The following CLSTN2 variants were observed in gnomAD, a reference collection of about 807,000 sequenced individuals.
CLSTN2 encodes the protein calsyntenin 2.
Under a neutral mutation model 101.2 loss-of-function variants are expected in CLSTN2, and 48 were observed. The observed-to-expected ratio is 0.47, with a 90% CI of 0.38 to 0.60. The LOEUF is 0.60. CLSTN2 is among the 20% of genes least tolerant of loss of function. The probability of loss-of-function intolerance (pLI) is 0.00; values close to 1 mark genes in which losing one functional copy is unlikely to be tolerated. For missense variants in CLSTN2, 1,160 were observed against 1,238.2 expected (o/e 0.94, Z 0.95); for synonymous variants, 481 against 463.6 (o/e 1.04, Z -0.48).
At position 140,573,427 on chromosome 3, in the gene CLSTN2, ATCTG is replaced by A. The variant is rs745909148; in HGVS notation, c.*7179_*7182del. 9.9e-5 allele frequency: 15 copies of A among 152,178 alleles called. No homozygotes were observed. The highest frequency in any genetic ancestry group is 2.1e-4 in the Non-Finnish European group (14 of 68,026). 9.4% of individuals were successfully genotyped at this position (152,178 alleles called of 1,614,324 possible). A position where few individuals can be genotyped will look rare whatever the true frequency, so the allele number is the denominator to read the frequency against. On this transcript the variant is annotated 3_prime_UTR_variant, in exon 17 of 17. Transcript: ENST00000458420. ...ACCTACAGCCTCATTTACAATTAGA[ATCTG>A]TCTGGGCCTTCTGATTTCTAAAGTC... is the stretch of plus-strand genomic sequence containing the variant.
chr3:140,281,279 A>G (rs1293107099), intron 2 of CLSTN2, among the ~76,000 whole-genome samples: 3 of 152,210 alleles, frequency 2.0e-5, no homozygotes, highest in Non-Finnish European at 4.4e-5. Context: ...AGTGTCTAAG[A>G]TGTGGTAGGT....
chr3:139,935,291 G>A lies in CLSTN2; in HGVS notation c.-84G>A. 2 of 699,050 alleles carry A rather than the reference G, an allele frequency of 2.9e-6. No individual in the cohort carries two copies. Among genetic ancestry groups the A allele is most frequent in the South Asian group, 7.4e-5 (1 of 13,586 alleles). 43.3% of individuals were successfully genotyped at this position (699,050 alleles called of 1,614,324 possible). ...CGCACCCATCGGGCACGGCGAGGCG[G>A]CCCACGGTGCGGCAGGCACCGGGAG... On this transcript the variant is annotated 5_prime_UTR_variant, in exon 1 of 17. Transcript: ENST00000458420. This position sits in a 1 kb window ranked among gnomAD's most constrained non-coding sequence, Gnocchi z 5.5.
intron 10 of CLSTN2, among the ~76,000 whole-genome samples, chr3:140,552,866 G>C (rs1348041299): frequency 6.6e-6 from 1 of 152,184 alleles, no homozygotes; most frequent in Non-Finnish European, 1.5e-5. Flanking sequence ...ATGGTGCAGG[G>C]GATGAGGCTG....
At chr3:140,065,327 G>A (rs1289389439) in intron 1 of CLSTN2, among the ~76,000 whole-genome samples, 3 of 152,162 alleles carry the variant, frequency 2.0e-5, no homozygotes, top group African/African-American at 7.2e-5. Flanking sequence ...TGGGCCCTGC[G>A]TTTCACCTTC....
At chr3:140,272,475 T>C (rs1360993275) in intron 2 of CLSTN2, among the ~76,000 whole-genome samples, 1 of 152,042 alleles carries the variant, frequency 6.6e-6, no homozygotes, top group African/African-American at 2.4e-5. Context: ...ACTGGTCGGG[T>C]GTGGTGGCCC....
chr3:140,502,945 AAATC>A (rs1232165299), intron 8 of CLSTN2, among the ~76,000 whole-genome samples: 99 of 152,330 alleles, frequency 6.5e-4, no homozygotes, highest in African/African-American at 2.3e-3. Context: ...TCCGGGGCTA[AAATC>A]AATCAAAGTA....
At chr3:140,284,937 C>G (rs1363964344) in intron 2 of CLSTN2, among the ~76,000 whole-genome samples, 1 of 152,162 alleles carries the variant, frequency 6.6e-6, no homozygotes, top group African/African-American at 2.4e-5. Context: ...CACCCCTACT[C>G]CAAGAAAACC....
At chr3:140,011,198 A>C (rs1315241773) in intron 1 of CLSTN2, among the ~76,000 whole-genome samples, 1 of 152,146 alleles carries the variant, frequency 6.6e-6, no homozygotes, top group Non-Finnish European at 1.5e-5. Context: ...TTAGGGAGCA[A>C]TGTTTTCAGG....
chr3:140,459,440 G>C, intron 6 of CLSTN2, 81 bp from the exon 7 acceptor site: 1 of 1,527,062 alleles, frequency 6.5e-7, no homozygotes. Flanking sequence ...ACACTGAGTA[G>C]TTCACCTTGA....
intron 2 of CLSTN2, among the ~76,000 whole-genome samples, chr3:140,393,449 G>A (rs2088142382): frequency 6.6e-6 from 1 of 152,202 alleles, no homozygotes; most frequent in African/African-American, 2.4e-5. Context: ...TGTAGCTTCT[G>A]TTTCTGAAAC....
At chr3:140,319,917 A>T (rs1273064696) in intron 2 of CLSTN2, among the ~76,000 whole-genome samples, 1 of 152,174 alleles carries the variant, frequency 6.6e-6, no homozygotes, top group Admixed American at 6.5e-5. Context: ...GCTGCAAACA[A>T]CTCGCAGCTG....
chr3:140,179,119 A>T (rs922909981), intron 2 of CLSTN2, among the ~76,000 whole-genome samples: 7 of 152,176 alleles, frequency 4.6e-5, no homozygotes, highest in Non-Finnish European at 1.0e-4. Context: ...ATAAGTGCAA[A>T]ATTCAAAGAT....
intron 5 of CLSTN2, among the ~76,000 whole-genome samples, chr3:140,432,348 A>G (rs1018645293): frequency 6.6e-6 from 1 of 152,212 alleles, no homozygotes; most frequent in African/African-American, 2.4e-5. Context: ...AGAGAACAGC[A>G]GCGCTTTTTA....
At chr3:140,049,196 A>G (rs2007940696) in intron 1 of CLSTN2, among the ~76,000 whole-genome samples, 1 of 152,246 alleles carries the variant, frequency 6.6e-6, no homozygotes. Flanking sequence ...GGAGTGGAAT[A>G]AATCACCTTC....
At position 140,413,685 on chromosome 3, in the gene CLSTN2, A is replaced by G. The variant is rs2088392463; in HGVS notation, c.638-7440A>G. ...ACTAGCAAACCAAATTCAACAGCAC[A>G]TTAAAAGGATCATACACCATGATTA... On this transcript the variant is annotated intron_variant, in intron 4 of 16. Coordinates refer to ENST00000458420, the MANE Select transcript of CLSTN2 (RefSeq NM_022131.3). 2.0e-5 allele frequency among the ~76,000 whole-genome samples: 3 copies of G among 152,322 alleles called. No homozygotes were observed. The South Asian group carries it at 6.2e-4, about 32-fold the overall frequency.
At chr3:140,120,894 C>T (rs538295483) in intron 1 of CLSTN2, among the ~76,000 whole-genome samples, 20 of 152,264 alleles carry the variant, frequency 1.3e-4, no homozygotes, top group Admixed American at 1.1e-3. Context: ...TGTGCCCTGG[C>T]CACAAAACAC....
chr3:140,219,867 G>A (rs1356580869), intron 2 of CLSTN2, among the ~76,000 whole-genome samples: 2 of 152,168 alleles, frequency 1.3e-5, no homozygotes, highest in Non-Finnish European at 2.9e-5. Flanking sequence ...CTCTTACTCA[G>A]TAAGAGAGGC....
At chr3:140,476,595 T>C (rs1158302873) in intron 8 of CLSTN2, among the ~76,000 whole-genome samples, 4 of 151,978 alleles carry the variant, frequency 2.6e-5, no homozygotes, top group Admixed American at 2.0e-4. Flanking sequence ...GAACCAGGCA[T>C]GGATGTCCAT....
At chr3:140,313,912 C>G (rs1482977147) in intron 2 of CLSTN2, among the ~76,000 whole-genome samples, 1 of 152,216 alleles carries the variant, frequency 6.6e-6, no homozygotes, top group Non-Finnish European at 1.5e-5. Context: ...ACAGGCCCCA[C>G]TTTTTGGCGT....
Sources: allele counts gnomAD v4.1 joint callset (sites outside exome capture counted in the v4.1 genomes callset), GRCh38; gene constraint gnomAD v4.1.1; non-coding constraint Gnocchi (gnomAD v3.1); transcripts MANE v1.5; gene names NCBI Gene and HGNC (gene_info 2026-07-23, HGNC 2026-07-21).